ATP2B2: variants seen among roughly 807,000 people sequenced by gnomAD.
ATP2B2 encodes ATPase plasma membrane Ca2+ transporting 2, also known as plasma membrane calcium-transporting ATPase 2.
ATP2B2 carries 15 observed loss-of-function variants against 120.0 expected under a neutral mutation model. The ratio of observed to expected loss-of-function variants is 0.12; its 90% CI spans 0.08 to 0.19. ATP2B2 has a LOEUF of 0.19. Among genes scored for constraint, ATP2B2 ranks in the 10% least tolerant of loss-of-function variants. ATP2B2 has a pLI of 1.00. For missense variants in ATP2B2, 1,045 were observed against 1,719.8 expected, an observed-to-expected ratio of 0.61 and a Z score of 6.94; for synonymous variants, 694 against 700.3, an observed-to-expected ratio of 0.99 and a Z score of 0.14.
chr3:10,642,092 A>G (rs1310496042), intron 1 of ATP2B2, among the ~76,000 whole-genome samples: 1 of 151,778 alleles, frequency 6.6e-6, no homozygotes, highest in Non-Finnish European at 1.5e-5. Context: ...CCCTTACTAT[A>G]CTGTTGTAGT....
chr3:10,473,391 G>A (rs1170622630), intron 1 of ATP2B2, among the ~76,000 whole-genome samples: 1 of 152,242 alleles, frequency 6.6e-6, no homozygotes, highest in African/African-American at 2.4e-5. Context: ...CAGCACTTTG[G>A]GAGGCGGAGG....
At chr3:10,407,099 A>G (rs1031717096) in intron 3 of ATP2B2, among the ~76,000 whole-genome samples, 29 of 152,102 alleles carry the variant, frequency 1.9e-4, no homozygotes, top group African/African-American at 7.0e-4. Context: ...GGGAAGCCTG[A>G]GGCCTGACTT....
At chr3:10,648,295 C>T (rs2070371585) in intron 1 of ATP2B2, among the ~76,000 whole-genome samples, 1 of 152,182 alleles carries the variant, frequency 6.6e-6, no homozygotes, top group South Asian at 2.1e-4. Flanking sequence ...CTTGGCTGCC[C>T]TGACTAACAC....
intron 2 of ATP2B2, among the ~76,000 whole-genome samples, chr3:10,423,535 G>A (rs1185932372): frequency 6.6e-6 from 1 of 152,212 alleles, no homozygotes; most frequent in African/African-American, 2.4e-5. Context: ...TCACTGAAGA[G>A]ATCTGGTTCA....
chr3:10,486,947 C>G (rs1418418279), intron 1 of ATP2B2, among the ~76,000 whole-genome samples: 1 of 152,056 alleles, frequency 6.6e-6, no homozygotes, highest in East Asian at 1.9e-4. Context: ...AGGCTGGTCT[C>G]GAACTCCTGA....
chr3:10,681,882 T>G (rs2071392328), intron 1 of ATP2B2, among the ~76,000 whole-genome samples: 1 of 152,190 alleles, frequency 6.6e-6, no homozygotes, highest in South Asian at 2.1e-4. Context: ...CTTTGAGAAT[T>G]TGCAATTTGG....
intron 2 of ATP2B2, among the ~76,000 whole-genome samples, chr3:10,576,959 C>A (rs1269101157): frequency 6.7e-6 from 1 of 149,446 alleles, no homozygotes; most frequent in African/African-American, 2.5e-5. Flanking sequence ...GAGGCTGAGG[C>A]AGGAGAATTG....
chr3:10,331,963 C>T, intron 22 of ATP2B2: 1 of 1,547,698 alleles, frequency 6.5e-7, no homozygotes, highest in Non-Finnish European at 8.7e-7. Flanking sequence ...ATTTCAGGCT[C>T]AAGGTTAAAG....
chr3:10,514,929 G>A (rs1005208205), intron 3 of ATP2B2, among the ~76,000 whole-genome samples: 3 of 152,214 alleles, frequency 2.0e-5, no homozygotes, highest in Non-Finnish European at 4.4e-5. Flanking sequence ...CAAGACAGCC[G>A]CAGTGGGCCG....
At chr3:10,486,412 G>A (rs2065672796) in intron 1 of ATP2B2, among the ~76,000 whole-genome samples, 1 of 151,622 alleles carries the variant, frequency 6.6e-6, no homozygotes, top group African/African-American at 2.4e-5. Flanking sequence ...AAATTCCACA[G>A]GGTGATCTAC....
intron 1 of ATP2B2, among the ~76,000 whole-genome samples, chr3:10,653,876 T>C (rs1227045851): frequency 6.6e-6 from 1 of 152,174 alleles, no homozygotes; most frequent in Non-Finnish European, 1.5e-5. Flanking sequence ...GCTTCCTGGA[T>C]TGCCCTTCCT....
intron 7 of ATP2B2, among the ~76,000 whole-genome samples, 186 bp downstream of exon 7, chr3:10,386,294 G>C (rs1252290857): frequency 6.6e-6 from 1 of 152,136 alleles, no homozygotes; most frequent in African/African-American, 2.4e-5. Flanking sequence ...AGGGTGGAGT[G>C]GGGTGTTGGC....
intron 2 of ATP2B2, among the ~76,000 whole-genome samples, chr3:10,586,394 G>A (rs1381107385): frequency 6.6e-6 from 1 of 152,214 alleles, no homozygotes; most frequent in Non-Finnish European, 1.5e-5. Context: ...CATCCCAAGA[G>A]GCAGATCTTA....
At chr3:10,532,347 G>C (rs2067228941) in intron 3 of ATP2B2, among the ~76,000 whole-genome samples, 1 of 152,162 alleles carries the variant, frequency 6.6e-6, no homozygotes, top group Admixed American at 6.5e-5. Context: ...GCTAAGCCCT[G>C]GCTTCGAGCA....
intron 2 of ATP2B2, among the ~76,000 whole-genome samples, chr3:10,448,793 C>T (rs2063927281): frequency 6.6e-6 from 1 of 152,232 alleles, no homozygotes; most frequent in Non-Finnish European, 1.5e-5. Flanking sequence ...GATTCCAGCC[C>T]AGTGGCAGGG....
At chr3:10,388,629 C>G (rs115349749) in intron 5 of ATP2B2, among the ~76,000 whole-genome samples, 1 of 152,110 alleles carries the variant, frequency 6.6e-6, no homozygotes, top group Non-Finnish European at 1.5e-5. Flanking sequence ...TTCTCAGGTA[C>G]CCCAAACATC....
intron 2 of ATP2B2, among the ~76,000 whole-genome samples, chr3:10,418,595 C>T (rs2062867638): frequency 6.6e-6 from 1 of 152,164 alleles, no homozygotes; most frequent in Non-Finnish European, 1.5e-5. Flanking sequence ...TCTGAGGCCC[C>T]ATGGGGCTGC....
chr3:10,393,957 TG>T (rs1330601152), intron 5 of ATP2B2, among the ~76,000 whole-genome samples: 6 of 152,172 alleles, frequency 3.9e-5, no homozygotes, highest in Non-Finnish European at 8.8e-5. Context: ...TGCTGTGGCT[TG>T]TGGGGTATGC....
chr3:10,646,095 C>T (rs907989247), intron 1 of ATP2B2, among the ~76,000 whole-genome samples: 1 of 152,206 alleles, frequency 6.6e-6, no homozygotes, highest in African/African-American at 2.4e-5. Context: ...AAAGCCCACT[C>T]CTTCTGCCTA....
Sources: allele counts gnomAD v4.1 joint callset (sites outside exome capture counted in the v4.1 genomes callset), GRCh38; gene constraint gnomAD v4.1.1; transcripts MANE v1.5; gene names NCBI Gene and HGNC (gene_info 2026-07-23, HGNC 2026-07-21).